Variants in ITPR2 observed in about 807,000 individuals in gnomAD.
The protein encoded by ITPR2 is inositol 1,4,5-trisphosphate-gated calcium channel ITPR2.
Under a neutral mutation model 317.1 loss-of-function variants are expected in ITPR2, and 207 were observed. The ratio of observed to expected loss-of-function variants is 0.65; its 90% CI spans 0.58 to 0.73. The LOEUF is 0.73. ITPR2 is among the 30% of genes least tolerant of loss of function. ITPR2 has a pLI of 0.00. For synonymous variants in ITPR2, 1,156 were observed against 1,149.1 expected (o/e 1.01, Z -0.12); for missense variants, 2,613 against 3,284.0 (o/e 0.80, Z 4.99).
intron 45 of ITPR2, among the ~76,000 whole-genome samples, chr12:26,460,958 C>T (rs1204096611): frequency 6.6e-6 from 1 of 152,186 alleles, no homozygotes. Context: ...TTCATCCACA[C>T]ACCTGGTTCA....
At chr12:26,683,684 CAA>C (rs1300341330) in intron 11 of ITPR2, among the ~76,000 whole-genome samples, 2 of 152,208 alleles carry the variant, frequency 1.3e-5, no homozygotes, top group Non-Finnish European at 2.9e-5. Flanking sequence ...CCCCTAGGAA[CAA>C]TGGTTCAGTA....
At chr12:26,405,364 C>G (rs1373306408) in intron 52 of ITPR2, among the ~76,000 whole-genome samples, 2 of 152,136 alleles carry the variant, frequency 1.3e-5, no homozygotes, top group African/African-American at 4.8e-5. Flanking sequence ...GGTTAAATCT[C>G]ATGAAAAGTT....
chr12:26,728,395 A>G (rs567655957), intron 2 of ITPR2, among the ~76,000 whole-genome samples: 1 of 152,198 alleles, frequency 6.6e-6, no homozygotes, highest in Non-Finnish European at 1.5e-5. Flanking sequence ...TTGGGTTTCA[A>G]AAGCCCTTTC....
chr12:26,618,525 A>G (rs1026746885), intron 26 of ITPR2, among the ~76,000 whole-genome samples: 1 of 152,236 alleles, frequency 6.6e-6, no homozygotes, highest in African/African-American at 2.4e-5. Flanking sequence ...CAAAAGTGGG[A>G]AAGTGAGAAA....
intron 55 of ITPR2, among the ~76,000 whole-genome samples, chr12:26,354,699 G>T (rs942093909): frequency 4.6e-5 from 7 of 152,206 alleles, no homozygotes; most frequent in African/African-American, 1.7e-4. Context: ...ATGGAGTTTT[G>T]CTCTTGTTGC....
chr12:26,634,661 G>A (rs1172970819), intron 21 of ITPR2, among the ~76,000 whole-genome samples: 2 of 152,070 alleles, frequency 1.3e-5, no homozygotes, highest in African/African-American at 4.8e-5. Flanking sequence ...CAAGGCGGGT[G>A]GATCACTTGA....
In ITPR2 at chr12:26,725,645, CT is replaced by C. The variant is rs1948907002; in HGVS notation, c.279+4del. On this transcript the variant is annotated splice_donor_region_variant and intron_variant, in intron 3 of 56. Coordinates refer to ENST00000381340, the MANE Select transcript of ITPR2 (RefSeq NM_002223.4). ...AAGCCAGACAATTGGAATCCTGGTC[CT>C]TACCTGTAGTTTCTTCAGCAAGGCT... is the stretch of plus-strand genomic sequence containing the variant. 1 of 1,600,402 alleles carries C rather than the reference CT, an allele frequency of 6.2e-7. No individual in the cohort carries two copies.
At chr12:26,673,281 T>A (rs1248536902) in intron 13 of ITPR2, among the ~76,000 whole-genome samples, 1 of 152,118 alleles carries the variant, frequency 6.6e-6, no homozygotes, top group African/African-American at 2.4e-5. Context: ...TGAACATTGA[T>A]GCAAAAATCC....
Position 26,567,984 on chromosome 12 carries a change from A to ATATATAT in ITPR2, c.4631-6039_4631-6033dup, listed in dbSNP as rs1555157733. 4.2e-3 allele frequency among the ~76,000 whole-genome samples: 45 copies of ATATATAT among 10,802 alleles called. 1 individual carries two copies. The highest frequency in any genetic ancestry group is 0.016 in the Non-Finnish European group (33 of 2,066). 7.1% of individuals were successfully genotyped at this position (10,802 alleles called of 152,430 possible). ...TATATATATATTATATATATTATATATATATATATATATTATATATATTAT... is the reference window on the plus strand; with the variant it reads ...TATATATATATTATATATATTATATATATATATTATATATATATATTATATATATTAT... On this transcript the variant is annotated intron_variant, in intron 34 of 56. Coordinates refer to ENST00000381340, the MANE Select transcript of ITPR2 (RefSeq NM_002223.4).
intron 34 of ITPR2, among the ~76,000 whole-genome samples, chr12:26,574,961 C>T (rs191828443): frequency 1.1e-4 from 16 of 151,906 alleles, no homozygotes; most frequent in East Asian, 1.9e-4. Flanking sequence ...CCTCCAACGT[C>T]GGAATCCCAT....
At chr12:26,702,688 C>T (rs1043903557) in intron 9 of ITPR2, among the ~76,000 whole-genome samples, 56 of 152,252 alleles carry the variant, frequency 3.7e-4, no homozygotes, top group African/African-American at 1.3e-3. Flanking sequence ...GATCTGCCCA[C>T]CTTGGCCTCC....
rs184603811 is a variant in ITPR2 at position 26,811,070 on chromosome 12, A to G, written c.93-20843T>C. ...AAAAAAAAAAAAAAAACAGAAAGAT[A>G]CTCTAATGACACTCCAAATATCATG... On this transcript the variant is annotated intron_variant, in intron 1 of 56. Coordinates refer to ENST00000381340, the MANE Select transcript of ITPR2 (RefSeq NM_002223.4). Among the ~76,000 whole-genome samples the G allele has an allele frequency of 4.6e-3, 684 of 149,922 alleles. 5 individuals are homozygous for G. Among genetic ancestry groups the G allele is most frequent in the African/African-American group, 0.016 (639 of 40,750 alleles).
chr12:26,661,293 A>AGGGGGGGGGGG (rs1947496300), intron 15 of ITPR2, among the ~76,000 whole-genome samples: 1 of 8,242 alleles, frequency 1.2e-4, no homozygotes, highest in Non-Finnish European at 2.1e-4. Context: ...GGGGGGTGGG[A>AGGGGGGGGGGG]GGGAACGGGC....
In ITPR2 at chr12:26,481,137, C is replaced by G. The variant is rs764215860; in HGVS notation, c.6117G>C (p.Gln2039His). The G allele has an allele frequency of 1.9e-6, 3 of 1,597,444 alleles. No homozygotes were observed. The highest frequency in any genetic ancestry group is 2.6e-6 in the Non-Finnish European group (3 of 1,164,956). Residue 2039 changes from glutamine (Q) to histidine (H), a missense_variant, in exon 43 of 57, where the codon CAG becomes CAC. This residue lies in a region of ITPR2 where 926 missense variants were observed against 1,072.8 expected (regional missense o/e 0.86). Transcript: ENST00000381340. ...AACAGTGGAATCGCTCTACCTTTAG[C>G]TGGAGCACCAGGTCCATTCGGTATT... ...LGKYRMDLVL[Q>H]LKNNASKLLL...
intron 1 of ITPR2, among the ~76,000 whole-genome samples, chr12:26,799,177 T>A (rs1268138721): frequency 6.6e-6 from 1 of 152,224 alleles, no homozygotes; most frequent in Non-Finnish European, 1.5e-5. Context: ...GAATTGTGCT[T>A]GCTCTTAGGT....
intron 34 of ITPR2, among the ~76,000 whole-genome samples, chr12:26,564,296 T>C (rs1232805675): frequency 1.3e-5 from 2 of 152,174 alleles, no homozygotes; most frequent in Non-Finnish European, 2.9e-5. Flanking sequence ...AAATAGCAGA[T>C]ACAATGTGAG....
In ITPR2 at chr12:26,784,914, C is replaced by T. The variant is rs865862726; in HGVS notation, c.163+5243G>A. On this transcript the variant is annotated intron_variant, in intron 2 of 56. Transcript: ENST00000381340. ...GAAGCGAGGAGCACCTCTTCCCCGCCGCCATCCCATCTAGGAAGTGAGGAG... is the reference window on the plus strand; with the variant it reads ...GAAGCGAGGAGCACCTCTTCCCCGCTGCCATCCCATCTAGGAAGTGAGGAG... Among the ~76,000 whole-genome samples, 324 of 57,028 alleles carry T rather than the reference C, an allele frequency of 5.7e-3. 5 individuals carry two copies. Among genetic ancestry groups the T allele is most frequent in the African/African-American group, 0.016 (307 of 18,682 alleles). The allele number at this position is 57,028 out of a possible 152,430, so 37.4% of individuals were successfully genotyped here.
Position 26,398,736 on chromosome 12 carries a change from T to C in ITPR2, c.7696+140A>G, listed in dbSNP as rs1053980944. On this transcript the variant is annotated intron_variant, in intron 54 of 56. Coordinates refer to ENST00000381340, the MANE Select transcript of ITPR2 (RefSeq NM_002223.4). ...GAAGCAGAGAATTCCAGTCTAATGC[T>C]CAGTTACATAATCTGAATTTTATCC... 3.3e-5 allele frequency: 21 copies of C among 645,748 alleles called. No individual in the cohort carries two copies. The African/African-American group carries it at 3.6e-4, about 11-fold the overall frequency. The allele number at this position is 645,748 out of a possible 1,614,324, so 40.0% of individuals were successfully genotyped here. A position where few individuals can be genotyped will look rare whatever the true frequency, so the allele number is the denominator to read the frequency against.
At chr12:26,594,290 C>T (rs1447445485) in intron 32 of ITPR2, among the ~76,000 whole-genome samples, 2 of 149,676 alleles carry the variant, frequency 1.3e-5, no homozygotes, top group Admixed American at 6.6e-5. Context: ...ACTTGGAAAC[C>T]CTGGCTAAAT....
Sources: allele counts gnomAD v4.1 joint callset (sites outside exome capture counted in the v4.1 genomes callset), GRCh38; gene constraint gnomAD v4.1.1; regional missense constraint gnomAD v4.1.1; transcripts MANE v1.5; gene names NCBI Gene and HGNC (gene_info 2026-07-23, HGNC 2026-07-21).